PCDHA3: variants seen among roughly 807,000 people sequenced by gnomAD.
The protein encoded by PCDHA3 is protocadherin alpha 3.
PCDHA3 carries 41 observed loss-of-function variants against 62.2 expected under a neutral mutation model. The ratio of observed to expected loss-of-function variants is 0.66; its 90% CI spans 0.51 to 0.86. PCDHA3 has a LOEUF of 0.86. PCDHA3 is among the 40% of genes least tolerant of loss of function. The pLI is 0.00. For missense variants in PCDHA3, 1,304 were observed against 1,241.2 expected (o/e 1.05, Z -0.76); for synonymous variants, 640 against 555.4 (o/e 1.15, Z -2.14).
At chr5:140,805,047 C>A in intron 1 of PCDHA3, 2 of 1,590,192 alleles carry the variant, frequency 1.3e-6, no homozygotes, top group Non-Finnish European at 1.7e-6. Context: ...AGCCAAAGTA[C>A]TTGTCTTCCC....
At position 140,993,460 on chromosome 5, in the gene PCDHA3, T is replaced by TCACACA. The variant is rs1554253699; in HGVS notation, c.2542+10898_2542+10899insACACAC. ...TTCATTCCTGTTCTCCTTCTTTCTT[T>TCACACA]CTCACACACACACACACACACACAC... On this transcript the variant is annotated intron_variant, in intron 3 of 3. Transcript: ENST00000522353. Among the ~76,000 whole-genome samples, 49 of 104,564 alleles carry TCACACA rather than the reference T, an allele frequency of 4.7e-4. 1 individual carries two copies. Among genetic ancestry groups the TCACACA allele is most frequent in the Admixed American group, 1.8e-3 (15 of 8,460 alleles). 68.6% of individuals were successfully genotyped at this position (104,564 alleles called of 152,430 possible).
At chr5:140,876,315 C>T in intron 1 of PCDHA3, 1 of 1,613,958 alleles carries the variant, frequency 6.2e-7, no homozygotes, top group South Asian at 1.1e-5. Flanking sequence ...CCTATGGGAT[C>T]AAAATGATTT....
intron 1 of PCDHA3, among the ~76,000 whole-genome samples, chr5:140,907,337 A>G (rs2073315694): frequency 6.6e-6 from 1 of 152,210 alleles, no homozygotes; most frequent in Non-Finnish European, 1.5e-5. Flanking sequence ...TTCCATATGC[A>G]TGAGCCCGCT....
rs200597765 is a variant in PCDHA3, at chr5:140,848,761, G to T, written c.2394+45170G>T. 1.1e-5 allele frequency: 18 copies of T among 1,593,344 alleles called. 1 individual carries two copies. The highest frequency in any genetic ancestry group is 1.0e-4 in the Admixed American group (6 of 59,114). On this transcript the variant is annotated intron_variant, in intron 1 of 3. Coordinates refer to ENST00000522353, the MANE Select transcript of PCDHA3 (RefSeq NM_018906.3). ...AATGGCATTTTGTTTGTGAATTCTCGGATCGACCGCGAGGAGCTGTGCGGG... is the reference window on the plus strand; with the variant it reads ...AATGGCATTTTGTTTGTGAATTCTCTGATCGACCGCGAGGAGCTGTGCGGG...
intron 1 of PCDHA3, among the ~76,000 whole-genome samples, chr5:140,886,582 C>A (rs1304608793): frequency 6.6e-6 from 1 of 151,938 alleles, no homozygotes; most frequent in African/African-American, 2.4e-5. Flanking sequence ...AATCCCAGCA[C>A]TTTGGGAGGC....
chr5:140,967,127 T>C (rs155808), intron 1 of PCDHA3: 558,768 of 1,612,332 alleles, frequency 0.35, 98,550 homozygotes, highest in East Asian at 0.51. Flanking sequence ...CCTGCTCAGC[T>C]TGGAAGTGCT....
chr5:140,992,845 C>T (rs2097530741), intron 3 of PCDHA3, among the ~76,000 whole-genome samples: 1 of 152,148 alleles, frequency 6.6e-6, no homozygotes, highest in African/African-American at 2.4e-5. Context: ...TTTTGTATAA[C>T]AACCAGTTTC....
intron 1 of PCDHA3, among the ~76,000 whole-genome samples, chr5:140,838,864 G>T (rs1775916115): frequency 6.6e-6 from 1 of 151,900 alleles, no homozygotes; most frequent in African/African-American, 2.4e-5. Flanking sequence ...CCAAGCTGCA[G>T]TTATCATGCC....
intron 1 of PCDHA3, among the ~76,000 whole-genome samples, chr5:140,878,642 A>T (rs868995118): frequency 6.6e-6 from 1 of 152,216 alleles, no homozygotes; most frequent in East Asian, 1.9e-4. Context: ...TTCTATTTCT[A>T]CAAAAATATC....
At chr5:140,883,376 G>C in intron 1 of PCDHA3, 1 of 1,614,116 alleles carries the variant, frequency 6.2e-7, no homozygotes, top group Non-Finnish European at 8.5e-7. Context: ...CGCCATTATT[G>C]CCCTAATCAG....
intron 1 of PCDHA3, chr5:140,856,762 C>T: frequency 6.3e-7 from 1 of 1,596,712 alleles, no homozygotes; most frequent in Non-Finnish European, 8.6e-7. Context: ...ATGATAACGC[C>T]CCTATCTTTG....
At chr5:140,942,530 T>C (rs963252648) in intron 1 of PCDHA3, among the ~76,000 whole-genome samples, 5 of 151,374 alleles carry the variant, frequency 3.3e-5, no homozygotes, top group Non-Finnish European at 5.9e-5. Flanking sequence ...AGCAACTAAC[T>C]CAGTATGGTG....
intron 1 of PCDHA3, among the ~76,000 whole-genome samples, chr5:140,950,542 A>G (rs1332265340): frequency 1.3e-5 from 2 of 152,014 alleles, no homozygotes; most frequent in Non-Finnish European, 2.9e-5. Flanking sequence ...TTGCTCTTGC[A>G]TGGCTGGGGG....
intron 3 of PCDHA3, among the ~76,000 whole-genome samples, chr5:141,005,656 C>T (rs1004583867): frequency 1.5e-4 from 20 of 136,082 alleles, no homozygotes; most frequent in Non-Finnish European, 2.5e-4. Context: ...GAGTCGAGAT[C>T]GCGCCACTGC....
intron 1 of PCDHA3, chr5:140,966,785 A>G: frequency 6.6e-7 from 1 of 1,522,872 alleles, no homozygotes. Flanking sequence ...GGCGGGCACC[A>G]GACCTGCGGC....
In PCDHA3 at chr5:140,977,177, T is replaced by G. The variant is rs139020033; in HGVS notation, c.2395-1772T>G. On this transcript the variant is annotated intron_variant, in intron 1 of 3. Coordinates refer to ENST00000522353, the MANE Select transcript of PCDHA3 (RefSeq NM_018906.3). ...CCTTTCAGCAAAATGAGTTTGATGA[T>G]TTCATTCCAAAGATCAAGTTGCAGC... 6.8e-3 allele frequency among the ~76,000 whole-genome samples: 1,032 copies of G among 152,274 alleles called. 9 individuals are homozygous for G. Among genetic ancestry groups the G allele is most frequent in the African/African-American group, 0.023 (966 of 41,542 alleles).
rs1337120304 is a variant in PCDHA3, at chr5:140,839,855, G to A, written c.2394+36264G>A. The stretch of plus-strand genomic sequence containing the variant: ...ATGAATCCATGGAGAATTTACTTTT[G>A]AGGTGGACTTTGAAAGATGAATAGA... On this transcript the variant is annotated intron_variant, in intron 1 of 3. Coordinates refer to ENST00000522353, the MANE Select transcript of PCDHA3 (RefSeq NM_018906.3). Among the ~76,000 whole-genome samples, 4 of 151,970 alleles carry A rather than the reference G, an allele frequency of 2.6e-5. 1 individual carries two copies. The highest frequency in any genetic ancestry group is 9.7e-5 in the African/African-American group (4 of 41,328).
chr5:141,005,263 A>T (rs1223276392), intron 3 of PCDHA3, among the ~76,000 whole-genome samples: 2 of 152,198 alleles, frequency 1.3e-5, no homozygotes, highest in Admixed American at 1.3e-4. Context: ...GGCACTGGTG[A>T]TACATTGGTG....
At chr5:140,830,805 C>A (rs1771253279) in intron 1 of PCDHA3, 1 of 158,172 alleles carries the variant, frequency 6.3e-6, no homozygotes, top group Non-Finnish European at 1.4e-5. Flanking sequence ...ATGGGATTTT[C>A]ATTTGTTTGC....
Sources: gnomAD v4.1 joint callset for allele counts (sites outside exome capture counted in the v4.1 genomes callset) on GRCh38, gnomAD v4.1.1 for gene constraint, MANE v1.5 for transcripts, NCBI Gene and HGNC (gene_info 2026-07-23, HGNC 2026-07-21) for gene names.